Variants in L3MBTL4 observed in about 807,000 individuals in gnomAD.
The protein encoded by L3MBTL4 is lethal(3)malignant brain tumor-like protein 4.
In L3MBTL4, 70 loss-of-function variants were observed where a neutral mutation model predicts 84.5. That is an observed-to-expected ratio of 0.83 (90% CI 0.68 to 1.01). The LOEUF is 1.01. L3MBTL4 is among the 50% of genes least tolerant of loss of function. The pLI, the probability that L3MBTL4 is intolerant of heterozygous loss-of-function variation, is 0.00. For missense variants in L3MBTL4, 715 were observed against 754.8 expected (o/e 0.95, Z 0.62); for synonymous variants, 274 against 259.8 (o/e 1.05, Z -0.52).
intron 14 of L3MBTL4, among the ~76,000 whole-genome samples, chr18:6,119,662 T>C (rs1221466797): frequency 6.6e-6 from 1 of 152,158 alleles, no homozygotes; most frequent in African/African-American, 2.4e-5. Flanking sequence ...CTAAGGAATA[T>C]TATTTGATAG....
At chr18:6,294,865 G>A (rs920262456) in intron 4 of L3MBTL4, among the ~76,000 whole-genome samples, 13 of 152,160 alleles carry the variant, frequency 8.5e-5, no homozygotes, top group African/African-American at 1.4e-4. Context: ...GCATGAAGGC[G>A]TTAATAATCT....
At chr18:6,150,904 A>G (rs187714871) in intron 13 of L3MBTL4, among the ~76,000 whole-genome samples, 11 of 152,354 alleles carry the variant, frequency 7.2e-5, no homozygotes, top group African/African-American at 2.6e-4. Context: ...CCCATGATAC[A>G]GTCTAACCAT....
intron 13 of L3MBTL4, among the ~76,000 whole-genome samples, chr18:6,154,092 T>C (rs565512789): frequency 6.6e-6 from 1 of 152,272 alleles, no homozygotes; most frequent in South Asian, 2.1e-4. Context: ...TTTCCAATAC[T>C]ATGTTGAATA....
intron 4 of L3MBTL4, among the ~76,000 whole-genome samples, chr18:6,279,482 C>G (rs1287535092): frequency 6.6e-6 from 1 of 152,144 alleles, no homozygotes; most frequent in Non-Finnish European, 1.5e-5. Context: ...GAACAGAATT[C>G]CTGAATGGGC....
chr18:6,166,162 C>G (rs1242389316), intron 13 of L3MBTL4, among the ~76,000 whole-genome samples: 1 of 152,142 alleles, frequency 6.6e-6, no homozygotes, highest in East Asian at 1.9e-4. Flanking sequence ...AATACAGGAG[C>G]ACCCAGATTC....
intron 16 of L3MBTL4, among the ~76,000 whole-genome samples, chr18:6,004,712 G>A (rs992633996): frequency 2.0e-5 from 3 of 152,086 alleles, no homozygotes; most frequent in African/African-American, 4.8e-5. Context: ...CTTCAACATG[G>A]GTGAACCTTG....
chr18:6,263,655 T>C lies in L3MBTL4; in HGVS notation c.219+292A>G, dbSNP rs371577090. Among the ~76,000 whole-genome samples, 6 of 152,344 alleles carry C rather than the reference T, an allele frequency of 3.9e-5. No individual in the cohort carries two copies. The East Asian group carries it at 7.7e-4, about 20-fold the overall frequency. On this transcript the variant is annotated intron_variant, in intron 5 of 18. Coordinates refer to ENST00000317931, the MANE Select transcript of L3MBTL4 (RefSeq NM_001330559.2). ...ATCCTATATCCTTTACGGGTACAAC[T>C]GATTTAGTCCTCCAACCACCCAAGG...
intron 16 of L3MBTL4, among the ~76,000 whole-genome samples, chr18:6,063,705 A>T (rs1246204790): frequency 3.3e-5 from 5 of 150,002 alleles, no homozygotes; most frequent in African/African-American, 4.9e-5. Context: ...TGAGATTATT[A>T]TTTTTTTTTC....
chr18:6,280,832 G>A (rs939362401), intron 4 of L3MBTL4, among the ~76,000 whole-genome samples: 3 of 152,120 alleles, frequency 2.0e-5, no homozygotes, highest in Admixed American at 1.3e-4. Context: ...TTTTGAAGAT[G>A]GAGGAAGGGG....
intron 1 of L3MBTL4, among the ~76,000 whole-genome samples, chr18:6,359,487 T>C (rs1352014297): frequency 6.6e-6 from 1 of 152,110 alleles, no homozygotes; most frequent in Admixed American, 6.6e-5. Flanking sequence ...AATTACTTAG[T>C]ATAATCTTGA....
chr18:6,031,482 A>T, intron 16 of L3MBTL4: 4 of 985,430 alleles, frequency 4.1e-6, no homozygotes, highest in Non-Finnish European at 4.8e-6. Context: ...GACCATCAGC[A>T]TCTCATTTTT....
intron 1 of L3MBTL4, among the ~76,000 whole-genome samples, chr18:6,347,588 C>A (rs2052975285): frequency 6.6e-6 from 1 of 150,998 alleles, no homozygotes; most frequent in Non-Finnish European, 1.5e-5. Context: ...ATACAAAAAA[C>A]CAACTGACAT....
intron 16 of L3MBTL4, among the ~76,000 whole-genome samples, chr18:6,076,414 G>C (rs61041020): frequency 1.3e-5 from 2 of 152,166 alleles, no homozygotes; most frequent in East Asian, 3.9e-4. Flanking sequence ...AACTGAGAGT[G>C]AGCAAAATCA....
intron 1 of L3MBTL4, among the ~76,000 whole-genome samples, chr18:6,314,733 A>G (rs2051007357): frequency 1.3e-5 from 2 of 152,234 alleles, no homozygotes; most frequent in South Asian, 4.1e-4. Context: ...TGAATACTTC[A>G]AATTGAAGGA....
At chr18:6,024,255 C>T (rs997171009) in intron 16 of L3MBTL4, among the ~76,000 whole-genome samples, 3 of 152,078 alleles carry the variant, frequency 2.0e-5, no homozygotes, top group African/African-American at 4.8e-5. Context: ...GGATGGTCAT[C>T]GATTGGAATT....
intron 14 of L3MBTL4, among the ~76,000 whole-genome samples, chr18:6,137,914 G>A (rs1421770374): frequency 6.6e-6 from 1 of 152,236 alleles, no homozygotes; most frequent in African/African-American, 2.4e-5. Flanking sequence ...AGGGTGGTGG[G>A]TGTGTATGAC....
At chr18:6,260,362 T>C (rs911302976) in intron 5 of L3MBTL4, 2 of 152,224 alleles carry the variant, frequency 1.3e-5, no homozygotes, top group African/African-American at 2.4e-5. Flanking sequence ...AATCTATAGA[T>C]TGCTTTGGGG....
intron 1 of L3MBTL4, among the ~76,000 whole-genome samples, chr18:6,389,902 G>A (rs2054975446): frequency 6.6e-6 from 1 of 152,084 alleles, no homozygotes; most frequent in African/African-American, 2.4e-5. Flanking sequence ...AAGACAGAAT[G>A]TCAACAAAGA....
intron 1 of L3MBTL4, among the ~76,000 whole-genome samples, chr18:6,334,464 T>G (rs537984993): frequency 6.6e-6 from 1 of 152,260 alleles, no homozygotes; most frequent in Non-Finnish European, 1.5e-5. Flanking sequence ...TTAAAAAAAG[T>G]CTAGTTTATT....
Sources: gnomAD v4.1 joint callset for allele counts (sites outside exome capture counted in the v4.1 genomes callset) on GRCh38, gnomAD v4.1.1 for gene constraint, MANE v1.5 for transcripts, NCBI Gene and HGNC (gene_info 2026-07-23, HGNC 2026-07-21) for gene names.